Variants in CELF2 observed in about 807,000 individuals in gnomAD.
CELF2 encodes the protein CUGBP Elav-like family member 2.
CELF2 carries 8 observed loss-of-function variants against 62.6 expected under a neutral mutation model. That is an observed-to-expected ratio of 0.13 (90% confidence interval 0.07 to 0.23). The LOEUF is 0.23. Among genes scored for constraint, CELF2 ranks in the 10% least tolerant of loss-of-function variants. CELF2 has a pLI of 1.00. For missense variants in CELF2, 333 were observed against 671.0 expected, an observed-to-expected ratio of 0.50 and a Z score of 5.56; for synonymous variants, 258 against 250.0, an observed-to-expected ratio of 1.03 and a Z score of -0.30.
chr10:10,537,909 T>TG, the CELF2 span, among the ~76,000 whole-genome samples: 40 of 152,180 alleles, frequency 2.6e-4, no homozygotes, highest in East Asian at 7.8e-4. Flanking sequence ...GCAGAAGACT[T>TG]GGGGGGTCCG....
chr10:10,547,577 C>T, the CELF2 span, among the ~76,000 whole-genome samples: 1 of 151,950 alleles, frequency 6.6e-6, no homozygotes. Context: ...TGTCACCTAC[C>T]CTCATGTGAG....
chr10:10,673,298 G>C, the CELF2 span, among the ~76,000 whole-genome samples: 1 of 152,026 alleles, frequency 6.6e-6, no homozygotes, highest in Non-Finnish European at 1.5e-5. Context: ...GCACTAGCTA[G>C]TATTTCCAGT....
rs1253012034 is a variant in CELF2 at position 11,247,925 on chromosome 10, T to C, written c.355-1228T>C. On this transcript the variant is annotated intron_variant, in intron 3 of 12. Transcript: ENST00000633077. The surrounding 1 kb of genome is among the most constrained non-coding windows in gnomAD (Gnocchi z 5.4). ...CCTCTTTCTTCTCCCTCCTCCTCTG[T>C]TCTGAAGACCCAGGCCGGCATTAGG... Among the ~76,000 whole-genome samples, 2 of 152,068 alleles carry C rather than the reference T, an allele frequency of 1.3e-5. No individual in the cohort carries two copies. The highest frequency in any genetic ancestry group is 2.9e-5 in the Non-Finnish European group (2 of 68,006).
intron 11 of CELF2, among the ~76,000 whole-genome samples, chr10:11,323,424 A>AAT (rs2095549203): frequency 8.5e-5 from 12 of 141,650 alleles, no homozygotes; most frequent in South Asian, 4.6e-4. Context: ...GGCAGAGCAA[A>AAT]AATAATAATA....
rs1409363283 is a variant in CELF2, at chr10:11,246,659, T to C, written c.355-2494T>C. Among the ~76,000 whole-genome samples, 1 of 152,190 alleles carries C rather than the reference T, an allele frequency of 6.6e-6. No individual in the cohort carries two copies. Among genetic ancestry groups the C allele is most frequent in the Non-Finnish European group, 1.5e-5 (1 of 68,034 alleles). The stretch of plus-strand genomic sequence containing the variant: ...CCTCTCATGGCTCCCATGGGACCAG[T>C]TGCTCCTGCAGCTCCTCCTGCCCCT... On this transcript the variant is annotated intron_variant, in intron 3 of 12. Transcript: ENST00000633077. This position sits in a 1 kb window ranked among gnomAD's most constrained non-coding sequence, Gnocchi z 4.6.
chr10:11,189,955 A>G (rs1257447063), intron 2 of CELF2, among the ~76,000 whole-genome samples: 2 of 152,210 alleles, frequency 1.3e-5, no homozygotes, highest in Admixed American at 1.3e-4. Context: ...AGATTTGTTA[A>G]CTGGAATTTC....
intron 1 of CELF2, among the ~76,000 whole-genome samples, chr10:10,896,615 A>C (rs549372701): frequency 1.3e-5 from 2 of 152,238 alleles, no homozygotes; most frequent in South Asian, 4.1e-4. Flanking sequence ...AGGTGACAAC[A>C]GAGGCGGAGA....
At chr10:10,663,287 G>A in the CELF2 span, among the ~76,000 whole-genome samples, 2 of 152,122 alleles carry the variant, frequency 1.3e-5, no homozygotes, top group Non-Finnish European at 2.9e-5. Flanking sequence ...GAAGCAAGCG[G>A]CTACAAGTTA....
intron 1 of CELF2, among the ~76,000 whole-genome samples, chr10:11,021,210 C>T (rs922368190): frequency 1.3e-4 from 20 of 152,072 alleles, no homozygotes; most frequent in African/African-American, 4.8e-4. Context: ...GACTGATAAA[C>T]ACAGCTTAAA....
chr10:11,258,613 C>T (rs2079511739), intron 5 of CELF2, among the ~76,000 whole-genome samples: 2 of 152,196 alleles, frequency 1.3e-5, no homozygotes, highest in Non-Finnish European at 2.9e-5. Context: ...CTTCCTGGAA[C>T]CACTCATAAA....
intron 1 of CELF2, among the ~76,000 whole-genome samples, chr10:10,821,708 A>G (rs1376256747): frequency 2.0e-5 from 3 of 152,096 alleles, no homozygotes; most frequent in African/African-American, 7.2e-5. Flanking sequence ...TGGCGCGATC[A>G]TAGCTCACTG....
Position 11,333,548 on chromosome 10 carries a change from A to T in CELF2, c.*4495A>T, listed in dbSNP as rs529292656. The T allele has an allele frequency of 6.6e-6, 1 of 152,454 alleles. No homozygotes were observed. The highest frequency in any genetic ancestry group is 1.9e-4 in the East Asian group (1 of 5,194). The allele number at this position is 152,454 out of a possible 1,614,324, so 9.4% of individuals were successfully genotyped here. On this transcript the variant is annotated 3_prime_UTR_variant, in exon 13 of 13. Transcript: ENST00000633077. ...ATTATCTTAAGTGCTAATTAAAAAAAAAATAAAATTTTAAAAAAACCTGTA... is the reference window on the plus strand; with the variant it reads ...ATTATCTTAAGTGCTAATTAAAAAATAAATAAAATTTTAAAAAAACCTGTA...
chr10:10,499,571 G>T, the CELF2 span, among the ~76,000 whole-genome samples: 1 of 152,024 alleles, frequency 6.6e-6, no homozygotes, highest in Non-Finnish European at 1.5e-5. Context: ...AAACAAGCTG[G>T]GATGATGTGC....
At chr10:11,047,044 G>C (rs1036269379) in intron 1 of CELF2, among the ~76,000 whole-genome samples, 1 of 152,048 alleles carries the variant, frequency 6.6e-6, no homozygotes, top group South Asian at 2.1e-4. Context: ...TTGGAGGGGC[G>C]GGGGAGGTTG....
At chr10:11,312,273 T>G (rs771038470) in intron 9 of CELF2, among the ~76,000 whole-genome samples, 5 of 152,194 alleles carry the variant, frequency 3.3e-5, no homozygotes, top group African/African-American at 4.8e-5. Flanking sequence ...AAAGCTGTAT[T>G]GGATATAACT....
the CELF2 span, among the ~76,000 whole-genome samples, chr10:10,464,277 G>A: frequency 1.3e-5 from 2 of 152,044 alleles, no homozygotes; most frequent in African/African-American, 2.4e-5. Context: ...CTTATCCACC[G>A]GTAACTGTCT....
chr10:11,241,632 C>G (rs1001937117), intron 3 of CELF2, among the ~76,000 whole-genome samples: 7 of 152,098 alleles, frequency 4.6e-5, no homozygotes, highest in African/African-American at 1.7e-4. Context: ...TTTGAAGGTT[C>G]TTCTTTAGTG....
At chr10:10,528,266 A>G in the CELF2 span, among the ~76,000 whole-genome samples, 1 of 152,160 alleles carries the variant, frequency 6.6e-6, no homozygotes, top group Non-Finnish European at 1.5e-5. Context: ...TGGAAGCCAT[A>G]AAGAACAAAA....
At chr10:10,737,422 T>C in the CELF2 span, among the ~76,000 whole-genome samples, 10 of 152,146 alleles carry the variant, frequency 6.6e-5, no homozygotes, top group Non-Finnish European at 1.2e-4. Context: ...GGCTACCTTA[T>C]GTTCTCCTTA....
Sources: allele counts gnomAD v4.1 joint callset (sites outside exome capture counted in the v4.1 genomes callset), GRCh38; gene constraint gnomAD v4.1.1; non-coding constraint Gnocchi (gnomAD v3.1); transcripts MANE v1.5; gene names NCBI Gene and HGNC (gene_info 2026-07-23, HGNC 2026-07-21).